The following NDE1 variants were observed in gnomAD, a reference collection of about 807,000 sequenced individuals.
NDE1 encodes the protein nuclear distribution protein nudE homolog 1.
In NDE1, 28 loss-of-function variants were observed where a neutral mutation model predicts 43.4. The observed-to-expected ratio is 0.65, with a 90% confidence interval of 0.48 to 0.89. The LOEUF (loss-of-function observed/expected upper bound fraction) is 0.89, where lower values mean the gene tolerates loss of function less well. Among genes scored for constraint, NDE1 ranks in the 40% least tolerant of loss-of-function variants. The pLI, the probability that NDE1 is intolerant of heterozygous loss-of-function variation, is 0.00. For missense variants in NDE1, 441 were observed against 434.1 expected (o/e 1.02, Z -0.14); for synonymous variants, 184 against 172.0 (o/e 1.07, Z -0.55).
At chr16:15,666,805 G>A (rs1567626800) in intron 2 of NDE1, among the ~76,000 whole-genome samples, 1 of 152,054 alleles carries the variant, frequency 6.6e-6, no homozygotes, top group Non-Finnish European at 1.5e-5. Flanking sequence ...ACACATTTCT[G>A]TAGAGATGAG....
chr16:15,695,203 CTTTTTTTTTTTT>C (rs71134451), intron 7 of NDE1, among the ~76,000 whole-genome samples: 2 of 79,680 alleles, frequency 2.5e-5, no homozygotes, highest in Non-Finnish European at 4.6e-5. Flanking sequence ...AAACTGCCAC[CTTTTTTTTTTTT>C]TTTTTTTTTT....
At chr16:15,684,943 A>AT (rs2038363751) in intron 4 of NDE1, among the ~76,000 whole-genome samples, 1 of 152,192 alleles carries the variant, frequency 6.6e-6, no homozygotes, top group African/African-American at 2.4e-5. Flanking sequence ...GATCTCTTTT[A>AT]CAGAGTTCCT....
chr16:15,698,783 C>G (rs1291903680), intron 8 of NDE1, among the ~76,000 whole-genome samples: 1 of 151,896 alleles, frequency 6.6e-6, no homozygotes, highest in Non-Finnish European at 1.5e-5. Context: ...ATCACTTGAA[C>G]CCAGGAAGTG....
chr16:15,663,126 A>G (rs1379398443), intron 1 of NDE1, among the ~76,000 whole-genome samples: 2 of 151,264 alleles, frequency 1.3e-5, no homozygotes, highest in Non-Finnish European at 2.9e-5. Context: ...TCCACTCGTC[A>G]CCTTTCAACC....
At chr16:15,674,868 T>C (rs1161325877) in intron 3 of NDE1, among the ~76,000 whole-genome samples, 1 of 152,026 alleles carries the variant, frequency 6.6e-6, no homozygotes, top group African/African-American at 2.4e-5. Flanking sequence ...CACCATGCCC[T>C]GCTAATTTTT....
intron 1 of NDE1, among the ~76,000 whole-genome samples, chr16:15,652,412 C>T (rs1418047010): frequency 6.6e-6 from 1 of 152,206 alleles, no homozygotes; most frequent in Non-Finnish European, 1.5e-5. Flanking sequence ...AAGGTAATTT[C>T]CTAACATGAG....
chr16:15,656,413 C>T (rs535413279), intron 1 of NDE1, among the ~76,000 whole-genome samples: 5 of 152,298 alleles, frequency 3.3e-5, no homozygotes, highest in Admixed American at 2.6e-4. Context: ...GAACCTGCCC[C>T]ACAATAGACG....
rs761406616 is a variant in NDE1, at chr16:15,667,465, C to G, written c.237+26C>G. On this transcript the variant is annotated intron_variant, in intron 3 of 8. Transcript: ENST00000396354. The stretch of plus-strand genomic sequence containing the variant: ...GTGAGGGGCTGAGAGGAAGTGTGCT[C>G]AGGTGTAGACAGGCGTCCAACACAG... 3 of 1,612,244 alleles carry G rather than the reference C, an allele frequency of 1.9e-6. No individual in the cohort carries two copies. In the Admixed American group the frequency reaches 5.0e-5, roughly 27 times the overall value.
intron 6 of NDE1, among the ~76,000 whole-genome samples, chr16:15,691,976 A>G (rs181656552): frequency 1.0e-3 from 158 of 152,012 alleles, no homozygotes; most frequent in Admixed American, 1.4e-3. Context: ...TTGAAATGTC[A>G]CTGACCAAAT....
chr16:15,711,940 G>C (rs554614949), intron 8 of NDE1, among the ~76,000 whole-genome samples: 3 of 152,288 alleles, frequency 2.0e-5, no homozygotes, highest in Admixed American at 1.3e-4. Context: ...TGATCAGCCT[G>C]CGTTGGCCTC....
chr16:15,643,677 G>T (rs1322614105), exon 1 of NDE1: 3 of 233,022 alleles, frequency 1.3e-5, no homozygotes, highest in South Asian at 4.2e-5. Context: ...CAACCTAGTG[G>T]CAAGTGGAGA....
Position 15,725,861 on chromosome 16 carries a change from T to C in NDE1, c.*1610T>C, listed in dbSNP as rs967957659. On this transcript the variant is annotated 3_prime_UTR_variant, in exon 9 of 9. Coordinates refer to ENST00000396354, the MANE Select transcript of NDE1 (RefSeq NM_017668.3). ...CTTAAAACCCCTCAACAGCTTCACA[T>C]TGCCCAGAGTAAGGATCAACATACA... is the stretch of plus-strand genomic sequence containing the variant. 1.5e-5 allele frequency: 6 copies of C among 394,832 alleles called. No homozygotes were observed. Among genetic ancestry groups the C allele is most frequent in the Non-Finnish European group, 2.2e-5 (5 of 224,224 alleles). 24.5% of individuals were successfully genotyped at this position (394,832 alleles called of 1,614,324 possible).
intron 8 of NDE1, among the ~76,000 whole-genome samples, chr16:15,716,886 G>A (rs1474158145): frequency 6.6e-6 from 1 of 152,212 alleles, no homozygotes; most frequent in Non-Finnish European, 1.5e-5. Context: ...TGCTGGGAAG[G>A]CAGGTTAATG....
chr16:15,656,123 G>A (rs1260510442), intron 1 of NDE1, among the ~76,000 whole-genome samples: 1 of 151,568 alleles, frequency 6.6e-6, no homozygotes, highest in Non-Finnish European at 1.5e-5. Context: ...AAAACTTAAA[G>A]TATAATAATA....
intron 3 of NDE1, among the ~76,000 whole-genome samples, chr16:15,674,554 T>G (rs1196578685): frequency 6.6e-6 from 1 of 152,142 alleles, no homozygotes; most frequent in East Asian, 1.9e-4. Context: ...CGGCCTGTCT[T>G]TGTTTTTAAA....
chr16:15,706,767 T>C (rs1242166982), intron 8 of NDE1, among the ~76,000 whole-genome samples: 1 of 152,090 alleles, frequency 6.6e-6, no homozygotes, highest in East Asian at 1.9e-4. Context: ...ACATCAGTGC[T>C]CTAGGCACTC....
At chr16:15,684,642 C>T (rs1021710941) in intron 4 of NDE1, 1 of 151,090 alleles carries the variant, frequency 6.6e-6, no homozygotes, top group Non-Finnish European at 1.5e-5. Flanking sequence ...TAGATTTTGA[C>T]CAAATAAGGA....
intron 4 of NDE1, chr16:15,686,926 A>C: frequency 1.0e-6 from 1 of 957,596 alleles, no homozygotes; most frequent in Non-Finnish European, 1.2e-6. Flanking sequence ...TGAACTCCTG[A>C]TCTCAGGTCT....
chr16:15,700,172 C>T (rs1013064752), intron 8 of NDE1: 1 of 945,702 alleles, frequency 1.1e-6, no homozygotes, highest in Non-Finnish European at 1.3e-6. Flanking sequence ...TCTCAGCTCA[C>T]TGCAACCTCC....
Sources: allele counts gnomAD v4.1 joint callset (sites outside exome capture counted in the v4.1 genomes callset), GRCh38; gene constraint gnomAD v4.1.1; transcripts MANE v1.5; gene names NCBI Gene and HGNC (gene_info 2026-07-23, HGNC 2026-07-21).